ZNF536: variants seen among roughly 807,000 people sequenced by gnomAD.
ZNF536 encodes zinc finger protein 536.
Under a neutral mutation model 84.5 loss-of-function variants are expected in ZNF536, and 13 were observed. The ratio of observed to expected loss-of-function variants is 0.15; its 90% confidence interval spans 0.10 to 0.24. The LOEUF is 0.24. Ranked by LOEUF, ZNF536 falls within the 10% of genes least tolerant of loss-of-function variation. ZNF536 has a pLI of 1.00. For synonymous variants in ZNF536, 811 were observed against 742.5 expected, an observed-to-expected ratio of 1.09 and a Z score of -1.50; for missense variants, 1,536 against 1,747.5, an observed-to-expected ratio of 0.88 and a Z score of 2.16.
chr19:30,670,711 G>A (rs1006841357), intron 1 of ZNF536, among the ~76,000 whole-genome samples: 8 of 152,178 alleles, frequency 5.3e-5, no homozygotes, highest in Non-Finnish European at 8.8e-5. Flanking sequence ...CCCCAGAGAC[G>A]CCTTTCCGGA....
At chr19:30,450,367 T>C (rs189271972) in intron 2 of ZNF536, among the ~76,000 whole-genome samples, 175 of 152,320 alleles carry the variant, frequency 1.1e-3, no homozygotes, top group African/African-American at 4.1e-3. Context: ...ACAGTCATTA[T>C]CAGCAGAGGA....
intron 2 of ZNF536, among the ~76,000 whole-genome samples, chr19:30,498,136 T>C (rs543659902): frequency 6.6e-6 from 1 of 152,352 alleles, no homozygotes; most frequent in African/African-American, 2.4e-5. Flanking sequence ...GATACATGTA[T>C]GTGTATGTTC....
intron 2 of ZNF536, among the ~76,000 whole-genome samples, chr19:30,447,290 C>A (rs1468796205): frequency 5.9e-5 from 9 of 152,190 alleles, no homozygotes; most frequent in Non-Finnish European, 1.2e-4. Flanking sequence ...CCAGTTTTAG[C>A]TTTGCTGTTA....
chr19:30,557,008 C>A, intron 4 of ZNF536, 149 bp from the exon 5 acceptor site: 1 of 833,692 alleles, frequency 1.2e-6, no homozygotes, highest in South Asian at 1.8e-5. Flanking sequence ...TTGCTTTAGC[C>A]AGAGACAGAA....
In ZNF536 at chr19:30,444,513, C is replaced by A. The variant is rs1402463502; in HGVS notation, c.951C>A (p.Ser317Arg). ...CTTCGCAGGAGGAGGAGCTCATCAG[C>A]CACGTGGAGAAGGCACACATCACGG... ...FAASQEEELI[S>R]HVEKAHITAE... Residue 317 changes from serine to arginine, a missense_variant, in exon 2 of 5, where the codon AGC becomes AGA. Ser to Arg is a moderately radical substitution (Grantham distance 110). Coordinates refer to ENST00000355537, the MANE Select transcript of ZNF536 (RefSeq NM_014717.3). 2 of 1,612,484 alleles carry A rather than the reference C, an allele frequency of 1.2e-6. No homozygotes were observed.
At chr19:30,319,130 G>A (rs764332610) in intron 2 of ZNF536, among the ~76,000 whole-genome samples, 6 of 152,162 alleles carry the variant, frequency 3.9e-5, no homozygotes, top group South Asian at 4.1e-4. Flanking sequence ...ATAGAAGTCC[G>A]GGCATGGCCA....
intron 1 of ZNF536, among the ~76,000 whole-genome samples, chr19:30,605,306 C>A (rs1457670398): frequency 6.6e-6 from 1 of 152,072 alleles, no homozygotes. Flanking sequence ...ACCCCATACC[C>A]AATGTGTAGT....
chr19:30,329,931 C>A (rs1009301093), intron 2 of ZNF536, among the ~76,000 whole-genome samples: 1 of 152,094 alleles, frequency 6.6e-6, no homozygotes, highest in Non-Finnish European at 1.5e-5. Context: ...AAAAAATATC[C>A]ATTGAGCAGA....
At chr19:30,425,187 C>G (rs1034026078) in intron 1 of ZNF536, among the ~76,000 whole-genome samples, 1 of 151,550 alleles carries the variant, frequency 6.6e-6, no homozygotes, top group Non-Finnish European at 1.5e-5. Flanking sequence ...CAGTTCACCT[C>G]TAAATAACTT....
At chr19:30,700,213 C>CTTTCTTTCTTTCTTTCTTTCTTTCTTTCT (rs1452244836) in intron 1 of ZNF536, among the ~76,000 whole-genome samples, 2 of 102,586 alleles carry the variant, frequency 1.9e-5, no homozygotes, top group African/African-American at 7.1e-5. Context: ...TCTTTCTTTC[C>CTTTCTTTCTTTCTTTCTTTCTTTCTTTCT]TTCTTTCTTT....
At chr19:30,402,794 AAAATATATATATATAT>A (rs1237548778) in intron 1 of ZNF536, among the ~76,000 whole-genome samples, 1 of 76,736 alleles carries the variant, frequency 1.3e-5, no homozygotes, top group Non-Finnish European at 3.0e-5. Context: ...TTAAAATTAA[AAAATATATATATATAT>A]ATATATATAT....
chr19:30,462,400 C>T (rs1019468350), intron 2 of ZNF536, among the ~76,000 whole-genome samples: 1 of 151,636 alleles, frequency 6.6e-6, no homozygotes, highest in South Asian at 2.1e-4. Context: ...GGTGGTGATG[C>T]TGTATGTATA....
intron 2 of ZNF536, among the ~76,000 whole-genome samples, chr19:30,447,535 G>A (rs1301350848): frequency 6.6e-6 from 1 of 152,212 alleles, no homozygotes; most frequent in Non-Finnish European, 1.5e-5. Flanking sequence ...CACTTAGGAA[G>A]TGTCTAACCA....
At chr19:30,240,934 T>C (rs2023897523) in intron 1 of ZNF536, among the ~76,000 whole-genome samples, 1 of 152,180 alleles carries the variant, frequency 6.6e-6, no homozygotes, top group Non-Finnish European at 1.5e-5. Flanking sequence ...TTGGAACTGT[T>C]TGGGGTCCTG....
chr19:30,470,987 CTTTTTTTT>C (rs35539055), intron 2 of ZNF536, among the ~76,000 whole-genome samples: 3 of 142,592 alleles, frequency 2.1e-5, no homozygotes, highest in Non-Finnish European at 4.6e-5. Flanking sequence ...TGCGCCCGGC[CTTTTTTTT>C]TTTTTTTTAG....
chr19:30,509,690 C>G (rs1354455446), intron 2 of ZNF536, among the ~76,000 whole-genome samples: 1 of 152,084 alleles, frequency 6.6e-6, no homozygotes, highest in Admixed American at 6.6e-5. Flanking sequence ...CAGCTAAAAT[C>G]TAAAATCTAA....
At chr19:30,655,847 TG>T (rs1187631025) in intron 1 of ZNF536, among the ~76,000 whole-genome samples, 1 of 152,168 alleles carries the variant, frequency 6.6e-6, no homozygotes, top group Non-Finnish European at 1.5e-5. Context: ...GAGACTAGCC[TG>T]GGCAACATAA....
At chr19:30,241,829 G>A (rs1415760333) in intron 1 of ZNF536, among the ~76,000 whole-genome samples, 1 of 152,204 alleles carries the variant, frequency 6.6e-6, no homozygotes, top group Non-Finnish European at 1.5e-5. Context: ...GACTAGGAAG[G>A]GAGAGAACTG....
At chr19:30,234,577 T>C (rs1391686676) in intron 1 of ZNF536, among the ~76,000 whole-genome samples, 2 of 151,822 alleles carry the variant, frequency 1.3e-5, no homozygotes, top group African/African-American at 4.8e-5. Flanking sequence ...AATTTTTGTG[T>C]TTTTAGTAGA....
Sources: allele counts gnomAD v4.1 joint callset (sites outside exome capture counted in the v4.1 genomes callset), GRCh38; gene constraint gnomAD v4.1.1; transcripts MANE v1.5; gene names NCBI Gene and HGNC (gene_info 2026-07-23, HGNC 2026-07-21).